Variants in PRKACB observed in about 807,000 individuals in gnomAD.
The protein encoded by PRKACB is cAMP-dependent protein kinase catalytic subunit beta.
In PRKACB, 16 loss-of-function variants were observed where a neutral mutation model predicts 51.4. The ratio of observed to expected loss-of-function variants is 0.31; its 90% CI spans 0.21 to 0.47. The LOEUF (loss-of-function observed/expected upper bound fraction) is 0.47, where lower values mean the gene tolerates loss of function less well. Ranked by LOEUF, PRKACB falls within the 20% of genes least tolerant of loss-of-function variation. The pLI, the probability that PRKACB is intolerant of heterozygous loss-of-function variation, is 1.00. For synonymous variants in PRKACB, 147 were observed against 154.4 expected, an observed-to-expected ratio of 0.95 and a Z score of 0.35; for missense variants, 309 against 464.5, an observed-to-expected ratio of 0.67 and a Z score of 3.08.
At chr1:84,108,484 ATAAAAAT>A (rs889138788) in intron 1 of PRKACB, among the ~76,000 whole-genome samples, 7 of 152,214 alleles carry the variant, frequency 4.6e-5, no homozygotes, top group Non-Finnish European at 1.0e-4. Context: ...TGAACCTAAA[ATAAAAAT>A]TAAAATACTA....
chr1:84,214,819 A>G (rs2101584004), intron 9 of PRKACB, among the ~76,000 whole-genome samples: 1 of 152,246 alleles, frequency 6.6e-6, no homozygotes, highest in East Asian at 1.9e-4. Flanking sequence ...AAGAAAGCAT[A>G]TATGCTATTT....
chr1:84,165,518 T>G (rs559756268), intron 1 of PRKACB, among the ~76,000 whole-genome samples: 1 of 151,918 alleles, frequency 6.6e-6, no homozygotes, highest in Non-Finnish European at 1.5e-5. Flanking sequence ...GAAATAAGGA[T>G]TTAATGATGA....
intron 9 of PRKACB, among the ~76,000 whole-genome samples, chr1:84,230,780 T>C (rs1283173542): frequency 6.7e-6 from 1 of 149,248 alleles, no homozygotes; most frequent in African/African-American, 2.5e-5. Flanking sequence ...GTACATTGAT[T>C]TTGTATCCTG....
At chr1:84,228,857 A>C (rs1675090823) in intron 9 of PRKACB, among the ~76,000 whole-genome samples, 1 of 152,190 alleles carries the variant, frequency 6.6e-6, no homozygotes, top group Non-Finnish European at 1.5e-5. Flanking sequence ...AAGGAACTAA[A>C]AATTAAGACT....
At chr1:84,109,186 G>A (rs930230389) in intron 1 of PRKACB, among the ~76,000 whole-genome samples, 4 of 151,864 alleles carry the variant, frequency 2.6e-5, no homozygotes, top group Non-Finnish European at 4.4e-5. Flanking sequence ...TGGGCCTACT[G>A]TAAATAATGC....
At position 84,235,902 on chromosome 1, in the gene PRKACB, A is replaced by C. The variant is rs924746869; in HGVS notation, c.*597A>C. On this transcript the variant is annotated 3_prime_UTR_variant, in exon 10 of 10. Coordinates refer to ENST00000370685, the MANE Select transcript of PRKACB (RefSeq NM_182948.4). ...TCTGGCAATAAATTTTGGTAGACTA[A>C]TACAGTACAGCTAGACCCAGAAATT... The C allele has an allele frequency of 2.0e-5, 3 of 152,934 alleles. No homozygotes were observed. Among genetic ancestry groups the C allele is most frequent in the Non-Finnish European group, 4.4e-5 (3 of 68,288 alleles). 9.5% of individuals were successfully genotyped at this position (152,934 alleles called of 1,614,324 possible). A position where few individuals can be genotyped will look rare whatever the true frequency, so the allele number is the denominator to read the frequency against.
intron 1 of PRKACB, among the ~76,000 whole-genome samples, chr1:84,080,215 C>G (rs931563661): frequency 5.3e-5 from 8 of 152,102 alleles, no homozygotes; most frequent in African/African-American, 1.9e-4. Context: ...ATAATAGACT[C>G]TTCTGTGACC....
chr1:84,133,217 A>G (rs189129108), intron 1 of PRKACB, among the ~76,000 whole-genome samples: 3 of 152,288 alleles, frequency 2.0e-5, no homozygotes, highest in Admixed American at 2.0e-4. Flanking sequence ...GCAAGAAAAG[A>G]GTAGAGTAAA....
chr1:84,230,187 G>A (rs1181946954), intron 9 of PRKACB, among the ~76,000 whole-genome samples: 1 of 151,436 alleles, frequency 6.6e-6, no homozygotes, highest in Non-Finnish European at 1.5e-5. Flanking sequence ...TATTAAATAG[G>A]GAATCCTTTC....
intron 1 of PRKACB, among the ~76,000 whole-genome samples, chr1:84,160,652 T>G (rs1467107985): frequency 6.7e-6 from 1 of 150,112 alleles, no homozygotes; most frequent in Non-Finnish European, 1.5e-5. Context: ...AGCTATGAAT[T>G]TTTTTTCTAA....
chr1:84,175,030 A>C, intron 1 of PRKACB: 1 of 1,472,396 alleles, frequency 6.8e-7, no homozygotes, highest in Non-Finnish European at 9.0e-7. Context: ...TTTTGGACAC[A>C]AGCTTGCTCC....
chr1:84,164,949 C>G, intron 1 of PRKACB: 1 of 1,537,156 alleles, frequency 6.5e-7, no homozygotes, highest in Admixed American at 2.0e-5. Flanking sequence ...TAGCATAACT[C>G]CCTTTGCTGT....
intron 7 of PRKACB, 44 bp downstream of exon 7, chr1:84,197,868 A>T (rs772222536): frequency 7.5e-7 from 1 of 1,328,738 alleles, no homozygotes; most frequent in Non-Finnish European, 1.1e-6. Flanking sequence ...AATATGAGAC[A>T]TGCATCCCTA....
intron 1 of PRKACB, chr1:84,085,972 A>G (rs750345577): frequency 1.2e-4 from 85 of 707,694 alleles, no homozygotes; most frequent in Non-Finnish European, 2.0e-4. Flanking sequence ...GTGAGACGCC[A>G]GTGCTTGTGG....
intron 8 of PRKACB, among the ~76,000 whole-genome samples, chr1:84,213,313 C>T (rs1282926140): frequency 2.0e-5 from 3 of 152,070 alleles, no homozygotes; most frequent in South Asian, 2.1e-4. Context: ...TTTGGTGGTA[C>T]CCATTTTAAT....
intron 3 of PRKACB, 56 bp from the exon 4 acceptor site, chr1:84,183,981 G>A (rs1664362303): frequency 6.9e-7 from 1 of 1,441,624 alleles, no homozygotes; most frequent in African/African-American, 1.5e-5. Context: ...TTTTTTAAAT[G>A]ATAACTTTTT....
intron 5 of PRKACB, among the ~76,000 whole-genome samples, chr1:84,192,134 C>A (rs997941847): frequency 6.6e-6 from 1 of 151,574 alleles, no homozygotes; most frequent in African/African-American, 2.4e-5. Context: ...GAGTTAGATC[C>A]AAATTATTTT....
rs1434581327 is a variant in PRKACB at position 84,132,220 on chromosome 1, A to G, written c.47-46957A>G. On this transcript the variant is annotated intron_variant, in intron 1 of 8. Transcript: ENST00000370688. Reference sequence around the variant, plus strand: ...ATTTCATTCCCCATACCTTACTACCATACCAACAGAGCTCTGGTATAATAA... The same window carrying G: ...ATTTCATTCCCCATACCTTACTACCGTACCAACAGAGCTCTGGTATAATAA... 3.3e-5 allele frequency among the ~76,000 whole-genome samples: 5 copies of G among 152,226 alleles called. No individual in the cohort carries two copies. In the South Asian group the frequency reaches 6.2e-4, roughly 19 times the overall value.
At chr1:84,119,790 A>G (rs1024468800) in intron 1 of PRKACB, among the ~76,000 whole-genome samples, 1 of 152,110 alleles carries the variant, frequency 6.6e-6, no homozygotes, top group Non-Finnish European at 1.5e-5. Context: ...AGTAGCTGCT[A>G]TAGTCCTTGT....
Sources: gnomAD v4.1 joint callset for allele counts (sites outside exome capture counted in the v4.1 genomes callset) on GRCh38, gnomAD v4.1.1 for gene constraint, MANE v1.5 for transcripts, NCBI Gene and HGNC (gene_info 2026-07-23, HGNC 2026-07-21) for gene names.